The following TANGO2 variants were observed in gnomAD, a reference collection of about 807,000 sequenced individuals.
TANGO2 encodes transport and Golgi organization protein 2 homolog.
TANGO2 carries 26 observed loss-of-function variants against 39.1 expected under a neutral mutation model. That is an observed-to-expected ratio of 0.67 (90% CI 0.49 to 0.92). TANGO2 has a LOEUF of 0.92. Among genes scored for constraint, TANGO2 ranks in the 40% least tolerant of loss-of-function variants. The pLI, the probability that TANGO2 is intolerant of heterozygous loss-of-function variation, is 0.00. For missense variants in TANGO2, 326 were observed against 360.1 expected (o/e 0.91, Z 0.77); for synonymous variants, 131 against 144.5 (o/e 0.91, Z 0.67).
intron 2 of TANGO2, chr22:20,037,244 G>C: frequency 2.2e-6 from 2 of 913,172 alleles, no homozygotes; most frequent in Non-Finnish European, 3.2e-6. Flanking sequence ...TCAAAGTGGC[G>C]GCCAGGCTAG....
At chr22:20,039,259 T>C (rs2043446013) in intron 2 of TANGO2, among the ~76,000 whole-genome samples, 1 of 151,810 alleles carries the variant, frequency 6.6e-6, no homozygotes, top group Non-Finnish European at 1.5e-5. Flanking sequence ...GGTAATTTGA[T>C]ACCCATCACG....
intron 1 of TANGO2, among the ~76,000 whole-genome samples, chr22:20,027,892 G>A (rs1184608831): frequency 1.3e-5 from 2 of 152,316 alleles, no homozygotes; most frequent in Admixed American, 6.5e-5. Context: ...TCCGGCTCCT[G>A]GGTTCAAGTG....
intron 1 of TANGO2, among the ~76,000 whole-genome samples, chr22:20,022,656 C>T (rs371975674): frequency 2.0e-5 from 3 of 152,360 alleles, no homozygotes; most frequent in East Asian, 1.9e-4. Context: ...TGTGGAATCA[C>T]GTGCAGTGTC....
chr22:20,055,605 G>A (rs2047185076), intron 5 of TANGO2: 1 of 399,704 alleles, frequency 2.5e-6, no homozygotes, highest in Admixed American at 3.8e-5. Flanking sequence ...ATGTGGGGAT[G>A]GGGCTCAGCC....
At chr22:20,052,020 G>A (rs1209551783) in intron 3 of TANGO2, among the ~76,000 whole-genome samples, 7 of 152,276 alleles carry the variant, frequency 4.6e-5, no homozygotes, top group South Asian at 2.1e-4. Context: ...CAGATTTGGC[G>A]GGGGTGAAGG....
rs117898929 is a variant in TANGO2 at position 20,027,395 on chromosome 22, C to G, written c.-40+6149C>G. Among the ~76,000 whole-genome samples the G allele has an allele frequency of 2.6e-4, 39 of 152,296 alleles. 1 individual carries two copies. In the East Asian group the frequency reaches 7.5e-3, roughly 29 times the overall value. On this transcript the variant is annotated intron_variant, in intron 1 of 8. Coordinates refer to ENST00000327374, the MANE Select transcript of TANGO2 (RefSeq NM_152906.7). ...TCGCTTGATGGGACGAAGACACCAG[C>G]CACAGCTGAGAGGCAGAGCAGCGGG...
At chr22:20,063,229 C>G in intron 7 of TANGO2, 109 bp from the exon 8 acceptor site, 1 of 786,960 alleles carries the variant, frequency 1.3e-6, no homozygotes, top group Admixed American at 2.2e-5. Flanking sequence ...CCTTGCAGTT[C>G]CCCGGCCACT....
chr22:20,053,970 C>T, intron 5 of TANGO2: 2 of 347,048 alleles, frequency 5.8e-6, no homozygotes, highest in South Asian at 2.1e-5. Context: ...TGGTGTTTTG[C>T]CCTTCCGTGA....
intron 1 of TANGO2, among the ~76,000 whole-genome samples, chr22:20,023,958 G>C (rs1449257557): frequency 6.6e-6 from 1 of 152,110 alleles, no homozygotes; most frequent in Non-Finnish European, 1.5e-5. Context: ...GAGACAGGTG[G>C]ATCACCTGAG....
At chr22:20,019,212 A>T (rs1489784023), upstream of TANGO2, 2 of 152,226 alleles carry the variant, frequency 1.3e-5, no homozygotes. Flanking sequence ...GCCCCCGGAG[A>T]AAGCCACAGA....
chr22:20,059,506 T>A (rs1191712698), intron 6 of TANGO2, among the ~76,000 whole-genome samples: 1 of 152,246 alleles, frequency 6.6e-6, no homozygotes, highest in Non-Finnish European at 1.5e-5. Flanking sequence ...ACCAGCAGTG[T>A]ATGCGGGTTG....
upstream of TANGO2, among the ~76,000 whole-genome samples, chr22:20,020,888 A>T (rs2039531618): frequency 6.6e-6 from 1 of 152,122 alleles, no homozygotes; most frequent in African/African-American, 2.4e-5. Context: ...AGGCCGCTGG[A>T]TCAGGAAGCG....
intron 3 of TANGO2, among the ~76,000 whole-genome samples, chr22:20,044,394 C>T (rs1319026551): frequency 2.0e-5 from 3 of 152,120 alleles, no homozygotes; most frequent in Non-Finnish European, 4.4e-5. Context: ...GGCGTGGTGG[C>T]ATGTGCCTGT....
In TANGO2 at chr22:20,066,608, C is replaced by T. The variant is rs12158045; in HGVS notation, c.*1946C>T. 4.6e-3 allele frequency among the ~76,000 whole-genome samples: 695 copies of T among 152,292 alleles called. 11 individuals are homozygous for T. Among genetic ancestry groups the T allele is most frequent in the African/African-American group, 0.016 (654 of 41,550 alleles). On this transcript the variant is annotated 3_prime_UTR_variant, in exon 9 of 9. Transcript: ENST00000327374. ...TGAACTCAGAAGAGTTTCCCAGCTG[C>T]GACCCAGGCTGCACCCCCAGGCCTG... is the stretch of plus-strand genomic sequence containing the variant.
chr22:20,044,013 A>T (rs1252715128), intron 3 of TANGO2, among the ~76,000 whole-genome samples: 1 of 152,118 alleles, frequency 6.6e-6, no homozygotes, highest in East Asian at 1.9e-4. Context: ...TACCAGCCTC[A>T]TTGAAGTCCT....
chr22:20,024,110 C>G (rs1362825483), intron 1 of TANGO2, among the ~76,000 whole-genome samples: 2 of 152,166 alleles, frequency 1.3e-5, no homozygotes, highest in East Asian at 1.9e-4. Flanking sequence ...TTGCTTGAAC[C>G]CAGGAGGCGA....
intron 1 of TANGO2, among the ~76,000 whole-genome samples, chr22:20,025,256 C>T (rs903511244): frequency 1.8e-4 from 27 of 151,430 alleles, no homozygotes; most frequent in South Asian, 1.5e-3. Flanking sequence ...CCACGCCCTG[C>T]TAATTTTTGT....
chr22:20,063,293 G>C (rs749953967), intron 7 of TANGO2, 45 bp from the exon 8 acceptor site: 7 of 1,573,140 alleles, frequency 4.4e-6, no homozygotes, highest in Non-Finnish European at 6.1e-6. Flanking sequence ...GGCTGCGGGC[G>C]GGCCACAGAG....
intron 3 of TANGO2, among the ~76,000 whole-genome samples, chr22:20,049,561 G>A (rs2147410016): frequency 6.6e-6 from 1 of 151,916 alleles, no homozygotes; most frequent in African/African-American, 2.4e-5. Context: ...TCGGGAGGCT[G>A]AGGCAGGAGA....
Sources: allele counts gnomAD v4.1 joint callset (sites outside exome capture counted in the v4.1 genomes callset), GRCh38; gene constraint gnomAD v4.1.1; transcripts MANE v1.5; gene names NCBI Gene and HGNC (gene_info 2026-07-23, HGNC 2026-07-21).